INSYN2A: variants seen among roughly 807,000 people sequenced by gnomAD.
INSYN2A encodes the protein inhibitory synaptic factor 2A.
Under a neutral mutation model 39.4 loss-of-function variants are expected in INSYN2A, and 17 were observed. That is an observed-to-expected ratio of 0.43 (90% CI 0.30 to 0.65). The LOEUF (loss-of-function observed/expected upper bound fraction) is 0.65. Ranked by LOEUF, INSYN2A falls within the 30% of genes least tolerant of loss-of-function variation. The pLI is 0.14. For missense variants in INSYN2A, 595 were observed against 631.2 expected, an observed-to-expected ratio of 0.94 and a Z score of 0.61; for synonymous variants, 255 against 265.7, an observed-to-expected ratio of 0.96 and a Z score of 0.39.
intron 1 of INSYN2A, among the ~76,000 whole-genome samples, chr10:127,195,159 G>T (rs2057020348): frequency 6.6e-6 from 1 of 152,226 alleles, no homozygotes; most frequent in Admixed American, 6.5e-5. Flanking sequence ...TATCCAAGCA[G>T]TGGGGACATC....
chr10:127,152,524 C>T (rs1223128765), intron 5 of INSYN2A, among the ~76,000 whole-genome samples: 2 of 152,148 alleles, frequency 1.3e-5, no homozygotes, highest in East Asian at 3.9e-4. Context: ...GTGCCTCTTA[C>T]AACACTCTAA....
chr10:127,169,188 G>A (rs1024006868), intron 4 of INSYN2A, among the ~76,000 whole-genome samples: 4 of 152,150 alleles, frequency 2.6e-5, no homozygotes, highest in African/African-American at 9.7e-5. Context: ...TTAGGTATAT[G>A]TGTGTCATAC....
chr10:127,170,105 G>C (rs901967228), intron 4 of INSYN2A, among the ~76,000 whole-genome samples: 2 of 151,896 alleles, frequency 1.3e-5, no homozygotes, highest in African/African-American at 2.4e-5. Context: ...TGCTGACAGG[G>C]AACTGCCCCC....
At position 127,153,889 on chromosome 10, in the gene INSYN2A, A is replaced by G; in HGVS notation, c.1219T>C (p.Cys407Arg). The change falls in exon 5 of 6, where the codon TGT becomes CGT. Residue 407 changes from cysteine to arginine, a missense_variant. Cys to Arg is a radical substitution (Grantham distance 180, BLOSUM62 -3). Transcript: ENST00000522781. ...CATGCACTGTTCCTGCATGTGTCAC[A>G]ATTAGCTGTGTCTTGCCCCGTCCGA... ...SYRTGQDTANCDTCRNSACII... is the reference protein window; with the variant it reads ...SYRTGQDTANRDTCRNSACII... 6.2e-7 allele frequency: 1 copy of G among 1,613,988 alleles called. No individual in the cohort carries two copies. Among genetic ancestry groups the G allele is most frequent in the Non-Finnish European group, 8.5e-7 (1 of 1,179,854 alleles).
At chr10:127,171,502 C>T (rs2054567965) in intron 4 of INSYN2A, among the ~76,000 whole-genome samples, 1 of 152,074 alleles carries the variant, frequency 6.6e-6, no homozygotes, top group Non-Finnish European at 1.5e-5. Context: ...CAAGATTTGT[C>T]ACTTGTATTC....
intron 4 of INSYN2A, 124 bp from the exon 5 acceptor site, chr10:127,154,047 A>G (rs2052777654): frequency 1.4e-6 from 1 of 692,612 alleles, no homozygotes; most frequent in Non-Finnish European, 2.6e-6. Context: ...AAATTGATTA[A>G]TGCATGCTTC....
At position 127,137,401 on chromosome 10, in the gene INSYN2A, A is replaced by G. The variant is rs2050792962; in HGVS notation, c.*436T>C. ...TGCTTATTTGCAAAATGAAACATAA[A>G]AATGAAGTCCTTCGCAAACATAAGG... is the stretch of plus-strand genomic sequence containing the variant. On this transcript the variant is annotated 3_prime_UTR_variant, in exon 6 of 6. Coordinates refer to ENST00000522781, the MANE Select transcript of INSYN2A (RefSeq NM_001039762.3). The G allele has an allele frequency of 1.3e-5, 2 of 154,756 alleles. No individual in the cohort carries two copies. The highest frequency in any genetic ancestry group is 4.8e-5 in the African/African-American group (2 of 41,538). 9.6% of individuals were successfully genotyped at this position (154,756 alleles called of 1,614,324 possible).
chr10:127,159,150 G>T (rs1182926008), intron 4 of INSYN2A, among the ~76,000 whole-genome samples: 4 of 152,190 alleles, frequency 2.6e-5, no homozygotes, highest in African/African-American at 9.7e-5. Context: ...AAGGGATCTG[G>T]ACAAGCCAAT....
chr10:127,184,149 G>T (rs1229356765), intron 2 of INSYN2A, among the ~76,000 whole-genome samples: 1 of 152,100 alleles, frequency 6.6e-6, no homozygotes, highest in African/African-American at 2.4e-5. Flanking sequence ...CAGCTACTGT[G>T]CTTACCCCAG....
intron 4 of INSYN2A, among the ~76,000 whole-genome samples, chr10:127,168,908 GTATT>G (rs1458291248): frequency 9.2e-5 from 14 of 152,188 alleles, no homozygotes; most frequent in African/African-American, 3.4e-4. Context: ...TTGTGATGCA[GTATT>G]TATTCTGTTT....
rs757299305 is a variant in INSYN2A at position 127,175,918 on chromosome 10, G to A, written c.478C>T (p.Arg160Trp). ...KNEAGPMEEA[R>W]PCGAGRVHKT... The stretch of plus-strand genomic sequence containing the variant: ...TGCACCCGCCCCGCGCCACATGGCC[G>A]GGCCTCCTCCATGGGTCCAGCCTCG... The change falls in exon 4 of 6, where the codon CGG becomes TGG. Residue 160 changes from arginine to tryptophan, a missense_variant. By Grantham distance (101) the Arg-to-Trp change is moderately radical (BLOSUM62 -3). Coordinates refer to ENST00000522781, the MANE Select transcript of INSYN2A (RefSeq NM_001039762.3). The surrounding 1 kb of genome is among the most constrained non-coding windows in gnomAD (Gnocchi z 6.3). The A allele has an allele frequency of 7.4e-6, 12 of 1,614,194 alleles. No homozygotes were observed. The highest frequency in any genetic ancestry group is 1.6e-4 in the Middle Eastern group (1 of 6,062).
chr10:127,141,990 T>C (rs2051307300), intron 5 of INSYN2A, among the ~76,000 whole-genome samples: 2 of 152,342 alleles, frequency 1.3e-5, no homozygotes, highest in Non-Finnish European at 1.5e-5. Flanking sequence ...GATTCTACAG[T>C]AAGATCTTGG....
intron 5 of INSYN2A, chr10:127,146,015 A>G (rs745649166): frequency 7.7e-6 from 4 of 518,038 alleles, no homozygotes; most frequent in South Asian, 2.8e-5. Flanking sequence ...TAGTCACTCT[A>G]TTCCCCATGG....
intron 5 of INSYN2A, among the ~76,000 whole-genome samples, chr10:127,151,599 C>G (rs2052491381): frequency 6.6e-6 from 1 of 152,218 alleles, no homozygotes; most frequent in Non-Finnish European, 1.5e-5. Context: ...GGCCACATCT[C>G]TATTCAGTTT....
intron 1 of INSYN2A, among the ~76,000 whole-genome samples, chr10:127,195,724 G>T (rs911446183): frequency 1.3e-5 from 2 of 152,186 alleles, no homozygotes; most frequent in African/African-American, 4.8e-5. Flanking sequence ...GCTCCTCCCT[G>T]ACGTCGCCAA....
chr10:127,173,443 G>C (rs900029672), intron 4 of INSYN2A, among the ~76,000 whole-genome samples: 38 of 152,160 alleles, frequency 2.5e-4, no homozygotes, highest in Non-Finnish European at 5.4e-4. Flanking sequence ...TGTTCTAAGA[G>C]GAGTGTAAGA....
In INSYN2A at chr10:127,135,458, A is replaced by G. The variant is rs1301475158; in HGVS notation, c.*2379T>C. On this transcript the variant is annotated 3_prime_UTR_variant, in exon 6 of 6. Transcript: ENST00000522781. ...CTTTGATTTTTTTATTTAAAAATTA[A>G]TAAAGAACTTAACGACAAGTATAAT... The G allele has an allele frequency of 6.5e-6, 1 of 152,690 alleles. No individual in the cohort carries two copies. The highest frequency in any genetic ancestry group is 1.5e-5 in the Non-Finnish European group (1 of 68,056). The allele number at this position is 152,690 out of a possible 1,614,324, so 9.5% of individuals were successfully genotyped here. A position where few individuals can be genotyped will look rare whatever the true frequency, so the allele number is the denominator to read the frequency against.
chr10:127,164,733 A>T (rs1366464475), intron 4 of INSYN2A, among the ~76,000 whole-genome samples: 1 of 152,234 alleles, frequency 6.6e-6, no homozygotes, highest in Non-Finnish European at 1.5e-5. Context: ...TAAAATCATA[A>T]CATAAATATC....
intron 2 of INSYN2A, among the ~76,000 whole-genome samples, chr10:127,190,988 C>A (rs1271494436): frequency 2.0e-5 from 3 of 152,088 alleles, no homozygotes; most frequent in Non-Finnish European, 4.4e-5. Context: ...CCCTCTTGCC[C>A]TGCTGGTTCC....
Sources: gnomAD v4.1 joint callset for allele counts (sites outside exome capture counted in the v4.1 genomes callset) on GRCh38, gnomAD v4.1.1 for gene constraint, Gnocchi (gnomAD v3.1) non-coding constraint, MANE v1.5 for transcripts, NCBI Gene and HGNC (gene_info 2026-07-23, HGNC 2026-07-21) for gene names.